Variants in SRPK2 observed in about 807,000 individuals in gnomAD.
The protein encoded by SRPK2 is SFRS protein kinase 2.
In SRPK2, 21 loss-of-function variants were observed where a neutral mutation model predicts 90.8. That is an observed-to-expected ratio of 0.23 (90% CI 0.16 to 0.33). The LOEUF is 0.33. Ranked by LOEUF, SRPK2 falls within the 10% of genes least tolerant of loss-of-function variation. The pLI is 1.00. For missense variants in SRPK2, 620 were observed against 869.0 expected (o/e 0.71, Z 3.60); for synonymous variants, 288 against 311.1 (o/e 0.93, Z 0.78).
At chr7:105,119,995 C>G (rs1326995937) in intron 15 of SRPK2, among the ~76,000 whole-genome samples, 6 of 152,160 alleles carry the variant, frequency 3.9e-5, no homozygotes, top group Non-Finnish European at 8.8e-5. Context: ...TACAGATAAT[C>G]ACAAGATTAT....
At chr7:105,368,754 G>A (rs767983099) in intron 2 of SRPK2, among the ~76,000 whole-genome samples, 11 of 151,930 alleles carry the variant, frequency 7.2e-5, no homozygotes, top group African/African-American at 1.2e-4. Context: ...GCATGGTGGC[G>A]CATGCCTGTA....
intron 2 of SRPK2, among the ~76,000 whole-genome samples, chr7:105,272,662 AAGAACTAC>A (rs906596211): frequency 2.6e-4 from 40 of 152,244 alleles, no homozygotes; most frequent in African/African-American, 9.6e-4. Context: ...CCTTGCCATC[AAGAACTAC>A]AGGGCATTGA....
intron 2 of SRPK2, among the ~76,000 whole-genome samples, chr7:105,345,984 A>G (rs1489657686): frequency 6.6e-6 from 1 of 152,240 alleles, no homozygotes; most frequent in Admixed American, 6.5e-5. Context: ...AAAACGTTAC[A>G]TACTTCCCTC....
chr7:105,214,419 G>A (rs1797202341), intron 2 of SRPK2, among the ~76,000 whole-genome samples: 1 of 152,136 alleles, frequency 6.6e-6, no homozygotes, highest in Non-Finnish European at 1.5e-5. Flanking sequence ...TCCAATATCT[G>A]ATACCCTGCA....
intron 1 of SRPK2, among the ~76,000 whole-genome samples, chr7:105,397,810 A>C (rs560103740): frequency 4.6e-4 from 69 of 150,442 alleles, no homozygotes; most frequent in Middle Eastern, 6.8e-3. Context: ...TGCCCTGCTA[A>C]TTTTTTTTTG....
intron 2 of SRPK2, among the ~76,000 whole-genome samples, chr7:105,247,814 T>C (rs192438719): frequency 6.6e-6 from 1 of 152,100 alleles, no homozygotes; most frequent in East Asian, 1.9e-4. Context: ...TCTTGCCTTG[T>C]GACTCCCAAA....
intron 2 of SRPK2, among the ~76,000 whole-genome samples, chr7:105,226,169 A>G (rs1798682016): frequency 6.6e-6 from 1 of 152,216 alleles, no homozygotes; most frequent in South Asian, 2.1e-4. Context: ...TAAAAGAAAC[A>G]TAAAATAATA....
At chr7:105,220,273 T>TC (rs1250321294) in intron 2 of SRPK2, among the ~76,000 whole-genome samples, 14 of 152,108 alleles carry the variant, frequency 9.2e-5, no homozygotes, top group Admixed American at 5.9e-4. Flanking sequence ...GTGTGGTGGC[T>TC]CACACCTGTA....
At chr7:105,168,934 A>C (rs1790454938) in intron 4 of SRPK2, among the ~76,000 whole-genome samples, 1 of 152,148 alleles carries the variant, frequency 6.6e-6, no homozygotes, top group Admixed American at 6.5e-5. Flanking sequence ...AATTTCAATG[A>C]ATTAACTTTG....
At chr7:105,256,344 T>TGTATGTACGTAC (rs1420523063) in intron 2 of SRPK2, among the ~76,000 whole-genome samples, 1 of 152,158 alleles carries the variant, frequency 6.6e-6, no homozygotes, top group Non-Finnish European at 1.5e-5. Context: ...CCATTATGTA[T>TGTATGTACGTAC]GTATGTACGT....
At chr7:105,122,507 C>G (rs1026592287) in intron 15 of SRPK2, among the ~76,000 whole-genome samples, 20 of 152,082 alleles carry the variant, frequency 1.3e-4, no homozygotes, top group African/African-American at 4.3e-4. Context: ...TGTCAAATGC[C>G]CACGAAAGAG....
chr7:105,230,243 T>A (rs889891034), intron 2 of SRPK2, among the ~76,000 whole-genome samples: 1 of 152,134 alleles, frequency 6.6e-6, no homozygotes, highest in South Asian at 2.1e-4. Context: ...GTGGAAGACT[T>A]TGACAGAGAT....
intron 2 of SRPK2, among the ~76,000 whole-genome samples, chr7:105,324,013 GTGT>G (rs1813263568): frequency 1.4e-5 from 2 of 143,476 alleles, no homozygotes; most frequent in African/African-American, 5.3e-5. Flanking sequence ...GTGTGTGTGT[GTGT>G]GGTGGAGTCT....
At chr7:105,310,473 T>C (rs956232902) in intron 2 of SRPK2, among the ~76,000 whole-genome samples, 2 of 152,082 alleles carry the variant, frequency 1.3e-5, no homozygotes, top group Non-Finnish European at 2.9e-5. Context: ...CAAAACTCCA[T>C]GTCTACCAAA....
intron 8 of SRPK2, among the ~76,000 whole-genome samples, 196 bp from the exon 9 acceptor site, chr7:105,145,504 G>C (rs1239371612): frequency 6.6e-6 from 1 of 152,092 alleles, no homozygotes; most frequent in Non-Finnish European, 1.5e-5. Flanking sequence ...GACTCCTGAA[G>C]TCACAGCAGA....
intron 2 of SRPK2, chr7:105,206,299 T>G: frequency 4.7e-6 from 1 of 211,352 alleles, no homozygotes; most frequent in Non-Finnish European, 9.8e-6. Flanking sequence ...TGGAGTAGAC[T>G]GCAGTATGGA....
intron 6 of SRPK2, among the ~76,000 whole-genome samples, chr7:105,165,982 C>T (rs1390864976): frequency 1.3e-5 from 2 of 152,096 alleles, no homozygotes; most frequent in Non-Finnish European, 2.9e-5. Flanking sequence ...AGAGCTGTAA[C>T]ACTCACTGCA....
rs1036236852 is a variant in SRPK2 at position 105,116,378 on chromosome 7, GAAAA to G, written c.*1456_*1459del. 2 of 143,346 alleles carry G rather than the reference GAAAA, an allele frequency of 1.4e-5. No individual in the cohort carries two copies. The highest frequency in any genetic ancestry group is 7.0e-5 in the Admixed American group (1 of 14,356). The allele number at this position is 143,346 out of a possible 1,614,324, so 8.9% of individuals were successfully genotyped here. On this transcript the variant is annotated 3_prime_UTR_variant, in exon 16 of 16. Transcript: ENST00000393651. ...AGGGCAATGACCAAGGCAATGTCTGGAAAAAAAAAAACCAAAACACTTTAATTTT... is the reference window on the plus strand; with the variant it reads ...AGGGCAATGACCAAGGCAATGTCTGGAAAAAAACCAAAACACTTTAATTTT...
rs1585323684 is a variant in SRPK2 at position 105,243,818 on chromosome 7, G to T, written c.72-40033C>A. Among the ~76,000 whole-genome samples the T allele has an allele frequency of 2.0e-5, 3 of 152,142 alleles. No individual in the cohort carries two copies. The South Asian group carries it at 6.2e-4, about 31-fold the overall frequency. On this transcript the variant is annotated intron_variant, in intron 2 of 15. Coordinates refer to ENST00000393651, the MANE Select transcript of SRPK2 (RefSeq NM_182692.3). ...CACAATAAGAATCTGCAGCTCAGCA[G>T]ATTACCTAAATTCACACGTGAGAAG...
Sources: allele counts gnomAD v4.1 joint callset (sites outside exome capture counted in the v4.1 genomes callset), GRCh38; gene constraint gnomAD v4.1.1; transcripts MANE v1.5; gene names NCBI Gene and HGNC (gene_info 2026-07-23, HGNC 2026-07-21).